Variants in PRKCE observed in about 807,000 individuals in gnomAD.
PRKCE encodes protein kinase C epsilon, also known as protein kinase C epsilon type.
In PRKCE, 16 loss-of-function variants were observed where a neutral mutation model predicts 85.4. The observed-to-expected ratio is 0.19, with a 90% CI of 0.13 to 0.28. The LOEUF is 0.28. Ranked by LOEUF, PRKCE falls within the 10% of genes least tolerant of loss-of-function variation. PRKCE has a pLI of 1.00. For synonymous variants in PRKCE, 388 were observed against 371.5 expected (o/e 1.04, Z -0.51); for missense variants, 573 against 975.2 (o/e 0.59, Z 5.49).
At chr2:46,073,251 A>T (rs1668230059) in intron 10 of PRKCE, among the ~76,000 whole-genome samples, 1 of 152,194 alleles carries the variant, frequency 6.6e-6, no homozygotes, top group African/African-American at 2.4e-5. Context: ...TGCACAGAGG[A>T]TTGGAGTTAC....
chr2:46,122,795 A>G (rs559157695), intron 11 of PRKCE, among the ~76,000 whole-genome samples: 11 of 151,946 alleles, frequency 7.2e-5, no homozygotes, highest in South Asian at 4.2e-4. Context: ...TGAGGCTTCA[A>G]GTTTTAACAT....
chr2:45,856,301 G>A (rs186073855), intron 2 of PRKCE, among the ~76,000 whole-genome samples: 2 of 152,122 alleles, frequency 1.3e-5, no homozygotes, highest in African/African-American at 2.4e-5. Context: ...CACAGTCTCC[G>A]CTCACTGCAG....
At chr2:45,998,798 G>C (rs909308594) in intron 6 of PRKCE, among the ~76,000 whole-genome samples, 1 of 152,016 alleles carries the variant, frequency 6.6e-6, no homozygotes, top group Non-Finnish European at 1.5e-5. Context: ...CATTTAATAT[G>C]TTCGTATTGT....
chr2:45,989,328 G>A (rs1020448322), intron 6 of PRKCE, among the ~76,000 whole-genome samples: 11 of 152,152 alleles, frequency 7.2e-5, no homozygotes, highest in South Asian at 2.1e-4. Flanking sequence ...TCTGATCTGC[G>A]GCTGTTTTCA....
In PRKCE at chr2:45,774,714, G is replaced by A. The variant is rs1685613662; in HGVS notation, c.349-68286G>A. On this transcript the variant is annotated intron_variant, in intron 1 of 14. Coordinates refer to ENST00000306156, the MANE Select transcript of PRKCE (RefSeq NM_005400.3). This position sits in a 1 kb window ranked among gnomAD's most constrained non-coding sequence, Gnocchi z 4.3. ...TGATTTCCCACCTTGCCTTCTGATAGATGAATCAAGCCGGGACGCCCAGTC... is the reference window on the plus strand; with the variant it reads ...TGATTTCCCACCTTGCCTTCTGATAAATGAATCAAGCCGGGACGCCCAGTC... 1.3e-5 allele frequency among the ~76,000 whole-genome samples: 2 copies of A among 152,102 alleles called. No individual in the cohort carries two copies. The highest frequency in any genetic ancestry group is 4.1e-4 in the South Asian group (2 of 4,820).
chr2:45,661,516 G>GTTTTTTTTTTTT (rs1270841370), intron 1 of PRKCE, among the ~76,000 whole-genome samples: 1 of 121,156 alleles, frequency 8.3e-6, no homozygotes. Context: ...GTTTTGTTTT[G>GTTTTTTTTTTTT]TTTTTTGTTT....
At chr2:45,755,702 G>A (rs1683945870) in intron 1 of PRKCE, among the ~76,000 whole-genome samples, 1 of 152,134 alleles carries the variant, frequency 6.6e-6, no homozygotes, top group Non-Finnish European at 1.5e-5. Flanking sequence ...ATCCTCCTAG[G>A]GCCCGGCTCT....
chr2:45,807,515 G>A (rs1344249015), intron 1 of PRKCE, among the ~76,000 whole-genome samples: 1 of 152,220 alleles, frequency 6.6e-6, no homozygotes, highest in African/African-American at 2.4e-5. Context: ...ACAGCAAAGG[G>A]TACAGAAAAG....
At chr2:45,871,848 T>C (rs1694113165) in intron 2 of PRKCE, among the ~76,000 whole-genome samples, 1 of 152,114 alleles carries the variant, frequency 6.6e-6, no homozygotes, top group Admixed American at 6.5e-5. Context: ...CCTTACACAC[T>C]GCGGAGTTTG....
chr2:45,931,793 G>A (rs369131905), intron 2 of PRKCE, among the ~76,000 whole-genome samples: 9 of 151,894 alleles, frequency 5.9e-5, no homozygotes, highest in African/African-American at 1.5e-4. Flanking sequence ...TGCAGCCTTC[G>A]CCTCCCGGGT....
chr2:45,842,461 G>T (rs1011070918), intron 1 of PRKCE, among the ~76,000 whole-genome samples: 1 of 152,126 alleles, frequency 6.6e-6, no homozygotes, highest in Non-Finnish European at 1.5e-5. Context: ...TTTCCCCTGG[G>T]AGCAGTTTCT....
intron 11 of PRKCE, among the ~76,000 whole-genome samples, chr2:46,128,841 A>T (rs2104390966): frequency 6.6e-6 from 1 of 152,304 alleles, no homozygotes; most frequent in Admixed American, 6.5e-5. Context: ...AGACCACCAG[A>T]GAGTGACCAG....
At chr2:45,893,730 T>A (rs1009427355) in intron 2 of PRKCE, among the ~76,000 whole-genome samples, 3 of 152,134 alleles carry the variant, frequency 2.0e-5, no homozygotes, top group African/African-American at 7.2e-5. Context: ...GCCACTCTTA[T>A]TTGCCCACTC....
chr2:46,100,513 G>A (rs1394149242), intron 11 of PRKCE, among the ~76,000 whole-genome samples: 1 of 152,196 alleles, frequency 6.6e-6, no homozygotes, highest in Non-Finnish European at 1.5e-5. Context: ...AGAAGTCCTA[G>A]TCCTGTCAGG....
intron 2 of PRKCE, among the ~76,000 whole-genome samples, chr2:45,846,113 T>A (rs6544854): frequency 0.043 from 6,469 of 151,912 alleles, 195 homozygotes; most frequent in African/African-American, 0.08. Flanking sequence ...TCACAGGGGG[T>A]TCTGGTAAGG....
In PRKCE at chr2:46,086,309, T is replaced by C; in HGVS notation, c.1539T>C (p.Ala513=). The change falls in exon 11 of 15, where the codon GCT becomes GCC. Residue 513 remains alanine, a synonymous_variant. Transcript: ENST00000306156. Reference sequence around the variant, plus strand: ...ACGAGCCTCGTTCACGGTTCTATGCTGCAGAGGTCACATCGGCCCTCATGT... The same window carrying C: ...ACGAGCCTCGTTCACGGTTCTATGCCGCAGAGGTCACATCGGCCCTCATGT... ...KFDEPRSRFY[A]AEVTSALMFL... 1 of 1,599,712 alleles carries C rather than the reference T, an allele frequency of 6.3e-7. No individual in the cohort carries two copies. Among genetic ancestry groups the C allele is most frequent in the South Asian group, 1.1e-5 (1 of 91,086 alleles).
At chr2:45,930,422 G>A (rs1399956239) in intron 2 of PRKCE, among the ~76,000 whole-genome samples, 2 of 152,180 alleles carry the variant, frequency 1.3e-5, no homozygotes, top group Non-Finnish European at 2.9e-5. Flanking sequence ...GCTCATGTTG[G>A]ATGCTTAATA....
chr2:45,829,158 G>C (rs1045092045), intron 1 of PRKCE, among the ~76,000 whole-genome samples: 2 of 152,054 alleles, frequency 1.3e-5, no homozygotes, highest in African/African-American at 4.8e-5. Flanking sequence ...TATTCTTATA[G>C]TTAAATCTTT....
At chr2:45,809,717 CAA>C (rs879282588) in intron 1 of PRKCE, among the ~76,000 whole-genome samples, 2 of 136,362 alleles carry the variant, frequency 1.5e-5, no homozygotes, top group Non-Finnish European at 1.6e-5. Context: ...AACCCTGTCT[CAA>C]AAAAAAAAAA....
Sources: allele counts gnomAD v4.1 joint callset (sites outside exome capture counted in the v4.1 genomes callset), GRCh38; gene constraint gnomAD v4.1.1; non-coding constraint Gnocchi (gnomAD v3.1); transcripts MANE v1.5; gene names NCBI Gene and HGNC (gene_info 2026-07-23, HGNC 2026-07-21).